The following FAM184A variants were observed in gnomAD, a reference collection of about 807,000 sequenced individuals.
The protein encoded by FAM184A is family with sequence similarity 184 member A, also known as protein FAM184A.
Under a neutral mutation model 143.8 loss-of-function variants are expected in FAM184A, and 99 were observed. That is an observed-to-expected ratio of 0.69 (90% CI 0.58 to 0.81). The LOEUF (loss-of-function observed/expected upper bound fraction) is 0.81. Ranked by LOEUF, FAM184A falls within the 40% of genes least tolerant of loss-of-function variation. FAM184A has a pLI of 0.00. For synonymous variants in FAM184A, 427 were observed against 446.4 expected, an observed-to-expected ratio of 0.96 and a Z score of 0.55; for missense variants, 1,217 against 1,310.5, an observed-to-expected ratio of 0.93 and a Z score of 1.10.
intron 1 of FAM184A, among the ~76,000 whole-genome samples, chr6:119,122,082 T>A (rs759798338): frequency 2.0e-5 from 3 of 152,170 alleles, no homozygotes; most frequent in Non-Finnish European, 4.4e-5. Context: ...AACTTTTTAG[T>A]GCAACTCTTT....
At chr6:119,056,609 A>AAT (rs111928752) in intron 1 of FAM184A, among the ~76,000 whole-genome samples, 1,655 of 152,334 alleles carry the variant, frequency 0.011, 28 homozygotes, top group African/African-American at 0.038. Context: ...TCCAAAGACT[A>AAT]ATGCTATTCA....
chr6:119,012,180 T>C (rs138807324), intron 5 of FAM184A, among the ~76,000 whole-genome samples: 25 of 152,288 alleles, frequency 1.6e-4, no homozygotes, highest in Non-Finnish European at 1.5e-4. Flanking sequence ...AAAAAGCATG[T>C]GCTAAGGCTT....
intron 17 of FAM184A, 79 bp from the exon 18 acceptor site, chr6:118,960,263 A>G: frequency 1.8e-6 from 2 of 1,133,762 alleles, no homozygotes; most frequent in Non-Finnish European, 2.6e-6. Flanking sequence ...ATAAAACATC[A>G]GCATAGATTA....
chr6:119,075,875 T>C (rs1009507076), intron 1 of FAM184A, among the ~76,000 whole-genome samples: 9 of 152,226 alleles, frequency 5.9e-5, no homozygotes, highest in Non-Finnish European at 1.2e-4. Context: ...CAAAATGGTG[T>C]ATAAAGAAAG....
At chr6:119,117,136 C>A (rs913320724) in intron 1 of FAM184A, among the ~76,000 whole-genome samples, 2 of 152,132 alleles carry the variant, frequency 1.3e-5, no homozygotes, top group South Asian at 4.1e-4. Flanking sequence ...AGGACATTAA[C>A]CAAGGCTAGG....
intron 6 of FAM184A, among the ~76,000 whole-genome samples, chr6:119,009,064 G>A (rs75550273): frequency 9.9e-5 from 15 of 152,274 alleles, no homozygotes; most frequent in Admixed American, 7.2e-4. Flanking sequence ...TACTTATTAT[G>A]TGCTGACTTG....
intron 1 of FAM184A, among the ~76,000 whole-genome samples, chr6:119,124,571 TA>T (rs1283178567): frequency 5.9e-5 from 9 of 152,262 alleles, no homozygotes; most frequent in Admixed American, 2.6e-4. Flanking sequence ...TATATGCTGT[TA>T]AAATGAGTCA....
At chr6:119,002,700 C>G (rs1307553708) in intron 9 of FAM184A, among the ~76,000 whole-genome samples, 199 bp downstream of exon 9, 2 of 152,018 alleles carry the variant, frequency 1.3e-5, no homozygotes, top group East Asian at 3.8e-4. Context: ...GGTATTCAGA[C>G]TGCATATATA....
intron 1 of FAM184A, among the ~76,000 whole-genome samples, chr6:119,127,659 A>G (rs1022536789): frequency 6.6e-6 from 1 of 152,338 alleles, no homozygotes; most frequent in African/African-American, 2.4e-5. Context: ...CAGGTAGGAA[A>G]GCAGGAGGGA....
chr6:119,087,512 A>G (rs908827952), intron 1 of FAM184A, among the ~76,000 whole-genome samples: 2 of 152,210 alleles, frequency 1.3e-5, no homozygotes, highest in African/African-American at 4.8e-5. Context: ...CTAATTATAA[A>G]TGCAAATCAA....
chr6:119,027,030 G>A (rs547226269), intron 1 of FAM184A, among the ~76,000 whole-genome samples: 10 of 152,086 alleles, frequency 6.6e-5, no homozygotes, highest in African/African-American at 2.2e-4. Flanking sequence ...GAACCTTGGC[G>A]TCCACAACCC....
chr6:119,063,433 C>A (rs539818092), intron 1 of FAM184A, among the ~76,000 whole-genome samples: 1 of 152,316 alleles, frequency 6.6e-6, no homozygotes, highest in East Asian at 1.9e-4. Flanking sequence ...ATGTCTTAGG[C>A]AGTTAGTCTT....
chr6:119,023,822 TA>T (rs11353751), intron 2 of FAM184A, 136 bp downstream of exon 2: 147,931 of 412,586 alleles, frequency 0.36, 7,224 homozygotes, highest in African/African-American at 0.39. Context: ...CAGGAAAAGT[TA>T]AAAAAAAAAA....
intron 1 of FAM184A, among the ~76,000 whole-genome samples, chr6:119,028,120 A>C (rs1785732518): frequency 6.6e-6 from 1 of 152,146 alleles, no homozygotes; most frequent in Non-Finnish European, 1.5e-5. Flanking sequence ...CTGCAAGCCT[A>C]AAAATCCTTG....
chr6:119,018,599 A>G (rs1425981006), intron 4 of FAM184A, among the ~76,000 whole-genome samples: 6 of 152,230 alleles, frequency 3.9e-5, no homozygotes, highest in African/African-American at 1.4e-4. Flanking sequence ...TTTCTTCTGA[A>G]GGGACTGAGA....
chr6:119,039,962 T>C (rs1389533955), intron 1 of FAM184A, among the ~76,000 whole-genome samples: 3 of 152,184 alleles, frequency 2.0e-5, no homozygotes, highest in Non-Finnish European at 4.4e-5. Flanking sequence ...CTAAACACAC[T>C]ACGCGTGCTC....
At chr6:118,984,624 C>T (rs1170005996) in intron 9 of FAM184A, among the ~76,000 whole-genome samples, 1 of 152,220 alleles carries the variant, frequency 6.6e-6, no homozygotes, top group Non-Finnish European at 1.5e-5. Flanking sequence ...TAATTATCTA[C>T]ATCTTACCTA....
At chr6:118,978,066 C>T (rs1783900971) in intron 11 of FAM184A, among the ~76,000 whole-genome samples, 4 of 152,084 alleles carry the variant, frequency 2.6e-5, no homozygotes, top group South Asian at 2.1e-4. Flanking sequence ...CAGATTCAAG[C>T]GATTCTCCCG....
At chr6:119,089,591 C>G (rs1311896936) in intron 1 of FAM184A, among the ~76,000 whole-genome samples, 1 of 152,192 alleles carries the variant, frequency 6.6e-6, no homozygotes, top group Non-Finnish European at 1.5e-5. Flanking sequence ...GTGTGAGCCA[C>G]CATGCCCAGC....
Sources: allele counts gnomAD v4.1 joint callset (sites outside exome capture counted in the v4.1 genomes callset), GRCh38; gene constraint gnomAD v4.1.1; transcripts MANE v1.5; gene names NCBI Gene and HGNC (gene_info 2026-07-23, HGNC 2026-07-21).